Variants in SH3RF3 observed in about 807,000 individuals in gnomAD.
SH3RF3 encodes the protein E3 ubiquitin-protein ligase SH3RF3.
Under a neutral mutation model 66.3 loss-of-function variants are expected in SH3RF3, and 29 were observed. The observed-to-expected ratio is 0.44, with a 90% CI of 0.33 to 0.60. The LOEUF is 0.60. Ranked by LOEUF, SH3RF3 falls within the 20% of genes least tolerant of loss-of-function variation. The pLI is 0.04. For synonymous variants in SH3RF3, 583 were observed against 532.0 expected (o/e 1.10, Z -1.32); for missense variants, 1,194 against 1,190.9 (o/e 1.00, Z -0.04).
chr2:109,417,262 G>A (rs1221491811), intron 4 of SH3RF3, among the ~76,000 whole-genome samples: 1 of 152,114 alleles, frequency 6.6e-6, no homozygotes, highest in Non-Finnish European at 1.5e-5. Flanking sequence ...CTCTGCCCTC[G>A]TACTTGCCCT....
chr2:109,129,523 G>A lies in SH3RF3; in HGVS notation c.-18G>A. 1 of 1,495,972 alleles carries A rather than the reference G, an allele frequency of 6.7e-7. No homozygotes were observed. Among genetic ancestry groups the A allele is most frequent in the Non-Finnish European group, 8.9e-7 (1 of 1,129,144 alleles). 92.7% of individuals were successfully genotyped at this position (1,495,972 alleles called of 1,614,324 possible). ...GGGACCTAGGCAGCCGCGCGAGACC[G>A]CTGCGGGCGCCTCCCCCATGCTGCT... On this transcript the variant is annotated 5_prime_UTR_variant, in exon 1 of 10. Transcript: ENST00000309415.
rs532193572 is a variant in SH3RF3 at position 109,324,919 on chromosome 2, T to A, written c.574-22755T>A. Among the ~76,000 whole-genome samples, 11 of 152,260 alleles carry A rather than the reference T, an allele frequency of 7.2e-5. No homozygotes were observed. The South Asian group carries it at 1.9e-3, about 26-fold the overall frequency. ...GGAGCTGTCGCTTCCCCAAACCCTCTCCTCTTGCCATTCCTATACAGTAAT... is the reference window on the plus strand; with the variant it reads ...GGAGCTGTCGCTTCCCCAAACCCTCACCTCTTGCCATTCCTATACAGTAAT... On this transcript the variant is annotated intron_variant, in intron 1 of 9. Coordinates refer to ENST00000309415, the MANE Select transcript of SH3RF3 (RefSeq NM_001099289.3).
At chr2:109,224,621 G>A (rs1292844963) in intron 1 of SH3RF3, among the ~76,000 whole-genome samples, 2 of 152,222 alleles carry the variant, frequency 1.3e-5, no homozygotes, top group African/African-American at 2.4e-5. Context: ...ACTTTGGAAG[G>A]CCAAGGCGGG....
intron 1 of SH3RF3, among the ~76,000 whole-genome samples, chr2:109,302,986 C>T (rs1169339728): frequency 1.8e-4 from 28 of 152,274 alleles, no homozygotes; most frequent in Non-Finnish European, 3.8e-4. Flanking sequence ...AAGCGATTCT[C>T]CTGCCTCAGC....
At chr2:109,283,065 C>T (rs1680934609) in intron 1 of SH3RF3, among the ~76,000 whole-genome samples, 1 of 152,234 alleles carries the variant, frequency 6.6e-6, no homozygotes, top group African/African-American at 2.4e-5. Flanking sequence ...TAAGTCCAGG[C>T]TTGGCCAGGG....
chr2:109,130,028 C>G lies in SH3RF3; in HGVS notation c.488C>G (p.Ser163Cys). The G allele has an allele frequency of 7.5e-7, 1 of 1,337,084 alleles. No homozygotes were observed. The highest frequency in any genetic ancestry group is 9.5e-7 in the Non-Finnish European group (1 of 1,047,420). 82.8% of individuals were successfully genotyped at this position (1,337,084 alleles called of 1,614,324 possible). A position where few individuals can be genotyped will look rare whatever the true frequency, so the allele number is the denominator to read the frequency against. Residue 163 changes from serine (S) to cysteine (C), a missense_variant, in exon 1 of 10, where the codon TCC (serine) becomes TGC (cysteine). By Grantham distance (112) the Ser-to-Cys change is moderately radical. Transcript: ENST00000309415. ...GGGAAGSTPG[S>C]PVFLSAAAGS... Reference sequence around the variant, plus strand: ...GGCGCGGCAGGCAGCACCCCGGGTTCCCCGGTTTTCCTCTCCGCGGCCGCG... The same window carrying G: ...GGCGCGGCAGGCAGCACCCCGGGTTGCCCGGTTTTCCTCTCCGCGGCCGCG...
chr2:109,424,836 C>T (rs1311428654), intron 5 of SH3RF3, among the ~76,000 whole-genome samples: 1 of 152,126 alleles, frequency 6.6e-6, no homozygotes, highest in Admixed American at 6.6e-5. Flanking sequence ...CTTTTAGTAA[C>T]GCTAAGTGAC....
At chr2:109,499,969 C>T (rs1679348838) in intron 9 of SH3RF3, among the ~76,000 whole-genome samples, 1 of 152,024 alleles carries the variant, frequency 6.6e-6, no homozygotes, top group Non-Finnish European at 1.5e-5. Flanking sequence ...CGAGTGGGGG[C>T]TCAGGAGAGT....
At chr2:109,492,504 G>C (rs1419048456) in intron 9 of SH3RF3, among the ~76,000 whole-genome samples, 1 of 152,202 alleles carries the variant, frequency 6.6e-6, no homozygotes, top group Admixed American at 6.5e-5. Flanking sequence ...AGTGGGCATG[G>C]ATTCCGGCTA....
chr2:109,478,221 C>G (rs1023772327), intron 8 of SH3RF3, among the ~76,000 whole-genome samples: 1 of 152,198 alleles, frequency 6.6e-6, no homozygotes, highest in African/African-American at 2.4e-5. Context: ...CACGCTGGCT[C>G]CCAGTGTATT....
At chr2:109,294,652 G>T (rs1022086384) in intron 1 of SH3RF3, among the ~76,000 whole-genome samples, 2 of 152,078 alleles carry the variant, frequency 1.3e-5, no homozygotes, top group African/African-American at 2.4e-5. Context: ...ATCATCATAG[G>T]CTTGAGCACC....
At chr2:109,339,197 G>A (rs1682498303) in intron 1 of SH3RF3, among the ~76,000 whole-genome samples, 1 of 141,154 alleles carries the variant, frequency 7.1e-6, no homozygotes, top group East Asian at 2.4e-4. Context: ...GGCACACTCG[G>A]TATAACTTTT....
In SH3RF3 at chr2:109,502,349, G is replaced by A. The variant is rs564188582; in HGVS notation, c.*678G>A. ...TACAGCATATTTTTAACATAAAGCT[G>A]TTAGACTTTATATATTTCTAATAGG... On this transcript the variant is annotated 3_prime_UTR_variant, in exon 10 of 10. Coordinates refer to ENST00000309415, the MANE Select transcript of SH3RF3 (RefSeq NM_001099289.3). The A allele has an allele frequency of 2.6e-5, 4 of 152,216 alleles. No individual in the cohort carries two copies. Among genetic ancestry groups the A allele is most frequent in the Admixed American group, 2.6e-4 (4 of 15,286 alleles). The allele number at this position is 152,216 out of a possible 1,614,324, so 9.4% of individuals were successfully genotyped here. A position where few individuals can be genotyped will look rare whatever the true frequency, so the allele number is the denominator to read the frequency against.
At chr2:109,469,424 C>CCG (rs1368536648) in intron 8 of SH3RF3, among the ~76,000 whole-genome samples, 1 of 152,170 alleles carries the variant, frequency 6.6e-6, no homozygotes, top group Non-Finnish European at 1.5e-5. Flanking sequence ...ATGCATGCAT[C>CCG]CGCTGCTCTG....
intron 3 of SH3RF3, among the ~76,000 whole-genome samples, chr2:109,384,392 C>T (rs1466891545): frequency 2.6e-5 from 4 of 152,006 alleles, no homozygotes; most frequent in African/African-American, 9.7e-5. Flanking sequence ...CGGGACTTGG[C>T]AGGGAAAGCG....
intron 1 of SH3RF3, among the ~76,000 whole-genome samples, chr2:109,217,631 A>G (rs1439185129): frequency 6.6e-6 from 1 of 152,252 alleles, no homozygotes; most frequent in Non-Finnish European, 1.5e-5. Context: ...GAATGAGAAC[A>G]ACCTGCCAGT....
chr2:109,342,981 T>C (rs1682592023), intron 1 of SH3RF3, among the ~76,000 whole-genome samples: 1 of 152,200 alleles, frequency 6.6e-6, no homozygotes, highest in Non-Finnish European at 1.5e-5. Flanking sequence ...GCCCAAATAA[T>C]GGCGGCTTAG....
At chr2:109,385,174 C>A (rs1559054607) in intron 3 of SH3RF3, among the ~76,000 whole-genome samples, 1 of 152,230 alleles carries the variant, frequency 6.6e-6, no homozygotes, top group Non-Finnish European at 1.5e-5. Context: ...TCTGTCACTC[C>A]CTGTGCCTCA....
intron 4 of SH3RF3, among the ~76,000 whole-genome samples, chr2:109,411,859 T>C (rs549065997): frequency 6.6e-6 from 1 of 152,318 alleles, no homozygotes; most frequent in African/African-American, 2.4e-5. Flanking sequence ...TACTGTTAAA[T>C]CCCACATATT....
Sources: gnomAD v4.1 joint callset for allele counts (sites outside exome capture counted in the v4.1 genomes callset) on GRCh38, gnomAD v4.1.1 for gene constraint, MANE v1.5 for transcripts, NCBI Gene and HGNC (gene_info 2026-07-23, HGNC 2026-07-21) for gene names.